Variants in NRXN3 observed in about 807,000 individuals in gnomAD.
NRXN3 encodes neurexin III.
Under a neutral mutation model 137.6 loss-of-function variants are expected in NRXN3, and 32 were observed. The observed-to-expected ratio is 0.23, with a 90% CI of 0.18 to 0.31. The LOEUF is 0.31. Ranked by LOEUF, NRXN3 falls within the 10% of genes least tolerant of loss-of-function variation. The pLI is 1.00. For synonymous variants in NRXN3, 798 were observed against 784.5 expected, an observed-to-expected ratio of 1.02 and a Z score of -0.29; for missense variants, 1,574 against 2,062.5, an observed-to-expected ratio of 0.76 and a Z score of 4.59.
chr14:78,346,272 T>C (rs896421811), intron 4 of NRXN3, among the ~76,000 whole-genome samples: 3 of 152,140 alleles, frequency 2.0e-5, no homozygotes, highest in African/African-American at 7.2e-5. Context: ...TCTTCCCAAC[T>C]CCAGAAGGTT....
intron 6 of NRXN3, among the ~76,000 whole-genome samples, chr14:78,700,751 A>G (rs982358933): frequency 6.6e-6 from 1 of 152,112 alleles, no homozygotes; most frequent in Non-Finnish European, 1.5e-5. Context: ...TTAATGCTCT[A>G]GAAACTTGAT....
At chr14:78,578,239 A>G (rs1026734865) in intron 4 of NRXN3, among the ~76,000 whole-genome samples, 1 of 152,184 alleles carries the variant, frequency 6.6e-6, no homozygotes, top group Non-Finnish European at 1.5e-5. Context: ...TAATTATATT[A>G]ATTATTTAGT....
At chr14:78,524,362 T>C (rs1470703746) in intron 4 of NRXN3, among the ~76,000 whole-genome samples, 2 of 152,248 alleles carry the variant, frequency 1.3e-5, no homozygotes, top group African/African-American at 4.8e-5. Context: ...GAAGTCATTC[T>C]ATAGCATGTG....
rs2098771635 is a variant in NRXN3, at chr14:78,782,010, A to G, written c.2045-21610A>G. ...GTTGGAAACCTCTCCTTAAGCAGTT[A>G]CACACAGCTCTGCAAATGTTAGAGT... On this transcript the variant is annotated intron_variant, in intron 8 of 20. Coordinates refer to ENST00000335750, the MANE Select transcript of NRXN3 (RefSeq NM_001330195.2). Among the ~76,000 whole-genome samples the G allele has an allele frequency of 2.0e-5, 3 of 152,220 alleles. No homozygotes were observed. The South Asian group carries it at 6.2e-4, about 32-fold the overall frequency.
At chr14:78,686,506 T>C (rs1360455061) in intron 6 of NRXN3, among the ~76,000 whole-genome samples, 2 of 152,166 alleles carry the variant, frequency 1.3e-5, no homozygotes, top group African/African-American at 4.8e-5. Flanking sequence ...GTTTTGCCAT[T>C]GGTGAGAGAG....
chr14:78,352,700 G>C (rs1414246150), intron 4 of NRXN3, among the ~76,000 whole-genome samples: 1 of 152,182 alleles, frequency 6.6e-6, no homozygotes, highest in African/African-American at 2.4e-5. Flanking sequence ...ATTTAACTGA[G>C]AGACTGAGTG....
At chr14:78,292,783 C>T (rs961850585) in intron 3 of NRXN3, among the ~76,000 whole-genome samples, 3 of 152,132 alleles carry the variant, frequency 2.0e-5, no homozygotes, top group Non-Finnish European at 4.4e-5. Flanking sequence ...CATGAGCCCC[C>T]GTTTTAGCCT....
intron 4 of NRXN3, among the ~76,000 whole-genome samples, chr14:78,507,480 C>T (rs552853449): frequency 5.3e-5 from 8 of 152,310 alleles, no homozygotes; most frequent in African/African-American, 1.9e-4. Flanking sequence ...TTAGTCCCAC[C>T]GGTATGTGAT....
chr14:79,273,563 G>T (rs997453889), intron 15 of NRXN3, among the ~76,000 whole-genome samples: 1 of 152,132 alleles, frequency 6.6e-6, no homozygotes, highest in Non-Finnish European at 1.5e-5. Flanking sequence ...GAACCCAGGA[G>T]GCGCAGCTTG....
In NRXN3 at chr14:79,642,558, C is replaced by T. The variant is rs1447721251; in HGVS notation, c.3445-21220C>T. Among the ~76,000 whole-genome samples the T allele has an allele frequency of 1.5e-5, 2 of 133,562 alleles. 1 individual carries two copies. The highest frequency in any genetic ancestry group is 3.5e-5 in the Non-Finnish European group (2 of 57,542). 87.6% of individuals were successfully genotyped at this position (133,562 alleles called of 152,430 possible). On this transcript the variant is annotated intron_variant, in intron 16 of 20. Transcript: ENST00000335750. ...ATCTCTCTTTTTTTTTAATTCAAGC[C>T]ACTGATACAAATATTGACCAGGTAG...
At chr14:79,842,908 C>T (rs1273869251) in intron 20 of NRXN3, among the ~76,000 whole-genome samples, 2 of 152,064 alleles carry the variant, frequency 1.3e-5, no homozygotes, top group Non-Finnish European at 2.9e-5. Flanking sequence ...CTCTAGTAAC[C>T]ACTGTTTTAT....
In NRXN3 at chr14:78,202,666, C is replaced by T. The variant is rs2061785361; in HGVS notation, c.-704+31992C>T. On this transcript the variant is annotated intron_variant, in intron 1 of 20. Transcript: ENST00000335750. ...CAGATCTCTCATATCAAGGCCAACC[C>T]CTCACTGACACCCTGCGAGGGAAAA... 2.0e-5 allele frequency among the ~76,000 whole-genome samples: 3 copies of T among 152,136 alleles called. 1 individual carries two copies. In the South Asian group the frequency reaches 6.2e-4, roughly 32 times the overall value.
rs554445593 is a variant in NRXN3, at chr14:78,697,795, T to C, written c.1222-11422T>C. ...CAGTTTGCACCCAACTCTTATTTGC[T>C]GCCTCCTGTACCAGGTTGGAAATCA... On this transcript the variant is annotated intron_variant, in intron 6 of 20. Transcript: ENST00000335750. 1.7e-4 allele frequency: 26 copies of C among 152,136 alleles called. 1 individual carries two copies. Among genetic ancestry groups the C allele is most frequent in the African/African-American group, 6.0e-4 (25 of 41,484 alleles). The allele number at this position is 152,136 out of a possible 1,614,324, so 9.4% of individuals were successfully genotyped here. A position where few individuals can be genotyped will look rare whatever the true frequency, so the allele number is the denominator to read the frequency against.
At chr14:79,840,507 A>T (rs2099353719) in intron 20 of NRXN3, among the ~76,000 whole-genome samples, 1 of 152,152 alleles carries the variant, frequency 6.6e-6, no homozygotes, top group Non-Finnish European at 1.5e-5. Context: ...GTGCCTAAAG[A>T]TTAGCTTGTT....
chr14:79,629,338 T>C (rs1177757793), intron 16 of NRXN3, among the ~76,000 whole-genome samples: 1 of 152,248 alleles, frequency 6.6e-6, no homozygotes, highest in Admixed American at 6.5e-5. Context: ...TGGGTTGTTA[T>C]AGCATTTACA....
intron 8 of NRXN3, among the ~76,000 whole-genome samples, chr14:78,749,134 C>T (rs1299185839): frequency 2.6e-5 from 4 of 152,090 alleles, no homozygotes; most frequent in Non-Finnish European, 5.9e-5. Context: ...AGGAAGTGAA[C>T]CAATTGAATT....
intron 15 of NRXN3, among the ~76,000 whole-genome samples, chr14:79,065,624 CG>C (rs1208128022): frequency 6.6e-6 from 1 of 152,016 alleles, no homozygotes; most frequent in African/African-American, 2.4e-5. Flanking sequence ...AAGGTGCTGG[CG>C]GGGTTGGTTT....
intron 4 of NRXN3, among the ~76,000 whole-genome samples, chr14:78,370,264 T>G (rs1029206546): frequency 6.6e-6 from 1 of 151,086 alleles, no homozygotes; most frequent in Non-Finnish European, 1.5e-5. Context: ...ATCCACCCAA[T>G]GTTGCCCATG....
Position 78,242,780 on chromosome 14 carries a change from C to T in NRXN3, c.-314C>T. ...TCCACATGGATAGCTGAGATCTTTT[C>T]TTGGAGAAAGACGCTTTCCTCTTTA... On this transcript the variant is annotated 5_prime_UTR_variant, in exon 2 of 21. Transcript: ENST00000335750. 2.9e-6 allele frequency: 1 copy of T among 347,608 alleles called. No individual in the cohort carries two copies. Among genetic ancestry groups the T allele is most frequent in the Non-Finnish European group, 5.2e-6 (1 of 191,732 alleles). 21.5% of individuals were successfully genotyped at this position (347,608 alleles called of 1,614,324 possible).
Sources: gnomAD v4.1 joint callset for allele counts (sites outside exome capture counted in the v4.1 genomes callset) on GRCh38, gnomAD v4.1.1 for gene constraint, MANE v1.5 for transcripts, NCBI Gene and HGNC (gene_info 2026-07-23, HGNC 2026-07-21) for gene names.